C12orf42: variants seen among roughly 807,000 people sequenced by gnomAD.
C12orf42 encodes the protein chromosome 12 open reading frame 42.
C12orf42 carries 25 observed loss-of-function variants against 21.6 expected under a neutral mutation model. The ratio of observed to expected loss-of-function variants is 1.16; its 90% CI spans 0.84 to 1.62. C12orf42 has a LOEUF of 1.62. C12orf42 is among the 40% of genes most tolerant of loss of function. The pLI is 0.00. For synonymous variants in C12orf42, 174 were observed against 175.0 expected, an observed-to-expected ratio of 0.99 and a Z score of 0.05; for missense variants, 483 against 459.3, an observed-to-expected ratio of 1.05 and a Z score of -0.47.
At chr12:103,302,595 G>C in intron 5 of C12orf42, 36 bp from the exon 6 acceptor site, 1 of 1,554,454 alleles carries the variant, frequency 6.4e-7, no homozygotes, top group Non-Finnish European at 8.7e-7. Flanking sequence ...ACAGAGATGA[G>C]GCTCAAGCGT....
At chr12:103,290,515 A>G (rs1378996617) in intron 4 of C12orf42, among the ~76,000 whole-genome samples, 1 of 152,190 alleles carries the variant, frequency 6.6e-6, no homozygotes, top group African/African-American at 2.4e-5. Context: ...CAAACACATA[A>G]AAAATCTTGA....
the C12orf42 span, chr12:103,081,685 C>G: frequency 6.6e-6 from 1 of 152,114 alleles, no homozygotes; most frequent in South Asian, 2.1e-4. Context: ...AGGCATTATT[C>G]CATCCTCTTA....
the C12orf42 span, among the ~76,000 whole-genome samples, chr12:103,209,029 G>T: frequency 5.3e-4 from 81 of 152,108 alleles, no homozygotes; most frequent in Non-Finnish European, 9.9e-4. Flanking sequence ...TCCCTTCACA[G>T]TGCTTCTCCT....
the C12orf42 span, among the ~76,000 whole-genome samples, chr12:103,076,303 T>A: frequency 7.9e-4 from 120 of 151,422 alleles, no homozygotes; most frequent in African/African-American, 2.3e-3. Flanking sequence ...TTTTTTTTTT[T>A]AAATAAGTAA....
chr12:103,525,439 T>C, the C12orf42 span, among the ~76,000 whole-genome samples: 1 of 152,144 alleles, frequency 6.6e-6, no homozygotes, highest in Admixed American at 6.5e-5. Flanking sequence ...CTACAGGTTG[T>C]TTCATAGAGT....
chr12:103,063,250 C>T, the C12orf42 span, among the ~76,000 whole-genome samples: 2 of 152,144 alleles, frequency 1.3e-5, no homozygotes, highest in South Asian at 2.1e-4. Context: ...GCTAATATTG[C>T]CCTTAGTAAG....
chr12:103,273,647 T>C, intron 5 of C12orf42: 1 of 294,554 alleles, frequency 3.4e-6, no homozygotes, highest in Non-Finnish European at 6.9e-6. Context: ...ATGTTTTGTC[T>C]AAAGACCCAA....
downstream of C12orf42, among the ~76,000 whole-genome samples, chr12:103,232,710 CAA>C (rs36070550): frequency 4.3e-5 from 5 of 115,326 alleles, no homozygotes; most frequent in Admixed American, 9.5e-5. Context: ...GACTCCGTCT[CAA>C]AAAAAAAAAA....
intron 4 of C12orf42, among the ~76,000 whole-genome samples, chr12:103,294,567 G>GAA (rs1396924628): frequency 1.1e-5 from 1 of 92,688 alleles, no homozygotes; most frequent in Non-Finnish European, 2.1e-5. Flanking sequence ...GAAAGAAAAA[G>GAA]AAAGGAAGGA....
chr12:103,246,019 C>G (rs547645646), intron 10 of C12orf42, among the ~76,000 whole-genome samples: 1 of 152,068 alleles, frequency 6.6e-6, no homozygotes, highest in South Asian at 2.1e-4. Flanking sequence ...AACAAAGTAG[C>G]CAAAATAATG....
At chr12:103,049,384 C>T in the C12orf42 span, among the ~76,000 whole-genome samples, 1 of 152,150 alleles carries the variant, frequency 6.6e-6, no homozygotes, top group Non-Finnish European at 1.5e-5. Context: ...GTCTTCAAAA[C>T]GCATCTGAAT....
intron 3 of C12orf42, among the ~76,000 whole-genome samples, chr12:103,399,871 T>A (rs1665012604): frequency 6.6e-6 from 1 of 151,786 alleles, no homozygotes; most frequent in African/African-American, 2.4e-5. Context: ...ACAATACAGG[T>A]TATCTGACAT....
chr12:103,389,447 C>A (rs1039227104), intron 3 of C12orf42, among the ~76,000 whole-genome samples: 1 of 152,176 alleles, frequency 6.6e-6, no homozygotes, highest in Admixed American at 6.5e-5. Context: ...TCTTTTCCTT[C>A]TAGAAGTCAA....
At chr12:103,447,467 G>A (rs1041319189) in intron 2 of C12orf42, among the ~76,000 whole-genome samples, 2 of 151,708 alleles carry the variant, frequency 1.3e-5, no homozygotes, top group Admixed American at 6.6e-5. Flanking sequence ...AAAAGAAATC[G>A]AGGGCATCCA....
At chr12:103,366,656 G>A (rs2044631020) in intron 4 of C12orf42, among the ~76,000 whole-genome samples, 1 of 151,964 alleles carries the variant, frequency 6.6e-6, no homozygotes, top group South Asian at 2.1e-4. Flanking sequence ...CTAGGGACAT[G>A]AATAGACAAT....
chr12:103,495,635 CG>C lies in C12orf42; in HGVS notation c.-22+266del, dbSNP rs892826419. On this transcript the variant is annotated intron_variant, in intron 1 of 5. Transcript: ENST00000548883. ...GGGGGATTAAGGAGCGTGTGCGTCT[CG>C]GTCCGGGCCGAGGCGGCGAGGTGGG... 8.3e-5 allele frequency: 12 copies of C among 144,884 alleles called. No individual in the cohort carries two copies. In the East Asian group the frequency reaches 2.6e-3, roughly 31 times the overall value. 9.0% of individuals were successfully genotyped at this position (144,884 alleles called of 1,614,324 possible). A position where few individuals can be genotyped will look rare whatever the true frequency, so the allele number is the denominator to read the frequency against.
intron 2 of C12orf42, among the ~76,000 whole-genome samples, chr12:103,403,511 G>A (rs866692237): frequency 2.4e-4 from 37 of 152,248 alleles, no homozygotes; most frequent in African/African-American, 8.9e-4. Flanking sequence ...GAAACTGCTC[G>A]AGATCACACA....
At chr12:103,346,317 T>C (rs1854503230) in intron 4 of C12orf42, among the ~76,000 whole-genome samples, 1 of 152,200 alleles carries the variant, frequency 6.6e-6, no homozygotes, top group South Asian at 2.1e-4. Context: ...TAACTGTGGT[T>C]TATAAATGAA....
chr12:103,132,765 A>G, the C12orf42 span, among the ~76,000 whole-genome samples: 2 of 149,846 alleles, frequency 1.3e-5, no homozygotes, highest in Non-Finnish European at 1.5e-5. Context: ...CATGTGCACC[A>G]AGGACAAACT....
Sources: allele counts gnomAD v4.1 joint callset (sites outside exome capture counted in the v4.1 genomes callset), GRCh38; gene constraint gnomAD v4.1.1; transcripts MANE v1.5; gene names NCBI Gene and HGNC (gene_info 2026-07-23, HGNC 2026-07-21).